The following KLF17 variants were observed in gnomAD, a reference collection of about 807,000 sequenced individuals.
KLF17 encodes KLF transcription factor 17.
A neutral mutation model predicts 34.2 loss-of-function variants in KLF17; 31 were observed. That is an observed-to-expected ratio of 0.91 (90% CI 0.68 to 1.22). The LOEUF is 1.22. Among genes scored for constraint, KLF17 ranks in the 50% most tolerant of loss-of-function variants. KLF17 has a pLI of 0.00. For missense variants in KLF17, 478 were observed against 505.2 expected (o/e 0.95, Z 0.52); for synonymous variants, 179 against 186.7 (o/e 0.96, Z 0.34).
At chr1:44,054,225 A>AT in the KLF17 span, among the ~76,000 whole-genome samples, 1 of 152,110 alleles carries the variant, frequency 6.6e-6, no homozygotes, top group East Asian at 1.9e-4. Context: ...GAAGCTACAA[A>AT]AGGTAGCAAT....
At chr1:44,075,692 C>A in the KLF17 span, among the ~76,000 whole-genome samples, 1 of 152,210 alleles carries the variant, frequency 6.6e-6, no homozygotes, top group African/African-American at 2.4e-5. Flanking sequence ...CTCCTTCAGA[C>A]TGACATCTTT....
the KLF17 span, among the ~76,000 whole-genome samples, chr1:44,065,975 G>A: frequency 1.3e-5 from 2 of 152,160 alleles, no homozygotes; most frequent in African/African-American, 2.4e-5. Flanking sequence ...GGGAAATGTA[G>A]TTAAGTCTAG....
the KLF17 span, among the ~76,000 whole-genome samples, chr1:44,073,995 G>C: frequency 6.6e-6 from 1 of 152,080 alleles, no homozygotes; most frequent in Non-Finnish European, 1.5e-5. Flanking sequence ...AATAGTTCCT[G>C]GCACGCAGTA....
At chr1:44,128,741 G>C (rs148397999) in intron 1 of KLF17, among the ~76,000 whole-genome samples, 4 of 152,108 alleles carry the variant, frequency 2.6e-5, no homozygotes, top group Admixed American at 2.6e-4. Flanking sequence ...GGCCAGGCGC[G>C]GTGGCTCACG....
chr1:44,127,746 TC>T (rs1327574878), intron 1 of KLF17, among the ~76,000 whole-genome samples: 1 of 147,644 alleles, frequency 6.8e-6, no homozygotes, highest in African/African-American at 2.5e-5. Context: ...TTTTCTTTCT[TC>T]TCTTTTCTTT....
chr1:44,103,207 TG>T, the KLF17 span: 15 of 623,116 alleles, frequency 2.4e-5, no homozygotes, highest in African/African-American at 2.5e-4. Context: ...GAGCCTCAGG[TG>T]GGTCTCCCGT....
At chr1:44,071,091 C>T in the KLF17 span, among the ~76,000 whole-genome samples, 4 of 152,094 alleles carry the variant, frequency 2.6e-5, no homozygotes, top group Non-Finnish European at 4.4e-5. Context: ...CTGCTCCTCC[C>T]GAGGTTACCA....
At chr1:44,063,046 C>T in the KLF17 span, among the ~76,000 whole-genome samples, 2 of 152,010 alleles carry the variant, frequency 1.3e-5, no homozygotes, top group Non-Finnish European at 2.9e-5. Context: ...TGGAATATTA[C>T]GTGGCAATAA....
chr1:44,049,645 G>A, the KLF17 span, among the ~76,000 whole-genome samples: 2 of 152,132 alleles, frequency 1.3e-5, no homozygotes, highest in Non-Finnish European at 2.9e-5. Flanking sequence ...ACCATGCCTG[G>A]CTAATTTTTG....
At chr1:44,044,036 G>GTA in the KLF17 span, 1 of 152,626 alleles carries the variant, frequency 6.6e-6, no homozygotes, top group Non-Finnish European at 1.5e-5. Flanking sequence ...CCCATTCTGT[G>GTA]TAACCAGCTG....
rs767765022 is a variant in KLF17 at position 44,129,822 on chromosome 1, C to T, written c.551C>T (p.Thr184Ile). The T allele has an allele frequency of 1.9e-6, 3 of 1,614,204 alleles. No homozygotes were observed. The highest frequency in any genetic ancestry group is 2.5e-6 in the Non-Finnish European group (3 of 1,180,046). ...CCAGTGCCTTACCCTGGCCTCTCGA[C>T]AGTACCTTCTGACGAAACATTGTTG... is the stretch of plus-strand genomic sequence containing the variant. ...NPPVPYPGLS[T>I]VPSDETLLGP... The change falls in exon 2 of 4, where the codon ACA (threonine) becomes ATA (isoleucine). Residue 184 changes from threonine to isoleucine, a missense_variant. By Grantham distance (89) the Thr-to-Ile change is moderately conservative. Transcript: ENST00000372299.
In KLF17 at chr1:44,127,630, T is replaced by TTTTCTTTTCTTTTC. The variant is rs1553171622; in HGVS notation, c.82-1716_82-1715insTCTTTTCTTTCTTT. Among the ~76,000 whole-genome samples, 8 of 46,008 alleles carry TTTTCTTTTCTTTTC rather than the reference T, an allele frequency of 1.7e-4. 1 individual carries two copies. The South Asian group carries it at 2.0e-3, about 12-fold the overall frequency. 30.2% of individuals were successfully genotyped at this position (46,008 alleles called of 152,430 possible). A position where few individuals can be genotyped will look rare whatever the true frequency, so the allele number is the denominator to read the frequency against. On this transcript the variant is annotated intron_variant, in intron 1 of 3. Transcript: ENST00000372299. ...TCTTTCTTTCTTTTCTTTTCTTTTC[T>TTTTCTTTTCTTTTC]TTTCTTTCCTTCTTTCTTTCTTTCT... is the stretch of plus-strand genomic sequence containing the variant.
At chr1:44,098,190 G>A in the KLF17 span, among the ~76,000 whole-genome samples, 1 of 151,910 alleles carries the variant, frequency 6.6e-6, no homozygotes, top group East Asian at 1.9e-4. Context: ...GTTCAATCTC[G>A]GTAGGTTGTA....
chr1:44,079,407 C>T, the KLF17 span, among the ~76,000 whole-genome samples: 1,262 of 151,280 alleles, frequency 8.3e-3, 10 homozygotes, highest in African/African-American at 0.029. Context: ...AGCAATTCTC[C>T]CACCTCAGCC....
chr1:44,088,785 C>T, the KLF17 span, among the ~76,000 whole-genome samples: 71,401 of 151,868 alleles, frequency 0.47, 17,054 homozygotes, highest in Admixed American at 0.53. Context: ...GATGAATGCA[C>T]TGTAGGTAAT....
chr1:44,056,177 T>G, the KLF17 span, among the ~76,000 whole-genome samples: 1 of 152,204 alleles, frequency 6.6e-6, no homozygotes, highest in East Asian at 1.9e-4. Flanking sequence ...AGTTAACTAA[T>G]GGATCCCTCT....
chr1:44,121,270 C>T (rs1248673814), intron 1 of KLF17, among the ~76,000 whole-genome samples: 1 of 152,172 alleles, frequency 6.6e-6, no homozygotes, highest in Non-Finnish European at 1.5e-5. Flanking sequence ...GCGTGTGCCA[C>T]TCCACCCAGC....
chr1:44,059,068 T>TA, the KLF17 span, among the ~76,000 whole-genome samples: 1 of 151,860 alleles, frequency 6.6e-6, no homozygotes, highest in African/African-American at 2.4e-5. Flanking sequence ...CTTCAGGGAG[T>TA]AACTAGTTTG....
chr1:44,103,875 T>G, the KLF17 span: 1 of 787,534 alleles, frequency 1.3e-6, no homozygotes, highest in Non-Finnish European at 2.3e-6. Context: ...CTTTGTATGC[T>G]GCACGTCATC....
Sources: allele counts gnomAD v4.1 joint callset (sites outside exome capture counted in the v4.1 genomes callset), GRCh38; gene constraint gnomAD v4.1.1; transcripts MANE v1.5; gene names NCBI Gene and HGNC (gene_info 2026-07-23, HGNC 2026-07-21).